Variants in HYAL4 observed in about 807,000 individuals in gnomAD.
HYAL4 encodes hyaluronidase-4.
A neutral mutation model predicts 35.2 loss-of-function variants in HYAL4; 37 were observed. That is an observed-to-expected ratio of 1.05 (90% CI 0.81 to 1.38). The LOEUF (loss-of-function observed/expected upper bound fraction) is 1.38, where lower values mean the gene tolerates loss of function less well. Among genes scored for constraint, HYAL4 ranks in the 40% most tolerant of loss-of-function variants. The pLI is 0.00. For missense variants in HYAL4, 572 were observed against 572.4 expected (o/e 1.00, Z 0.01); for synonymous variants, 198 against 203.2 (o/e 0.97, Z 0.22).
At chr7:123,769,647 GTCC>G in the HYAL4 span, among the ~76,000 whole-genome samples, 4 of 152,058 alleles carry the variant, frequency 2.6e-5, no homozygotes, top group African/African-American at 9.7e-5. Flanking sequence ...GGGGAAACAA[GTCC>G]TCCTGAAGGA....
At chr7:123,801,548 C>G in the HYAL4 span, among the ~76,000 whole-genome samples, 1 of 151,510 alleles carries the variant, frequency 6.6e-6, no homozygotes, top group Admixed American at 6.6e-5. Context: ...AGTTAAATTA[C>G]AAAATACGAA....
At chr7:123,764,336 G>A in the HYAL4 span, among the ~76,000 whole-genome samples, 1 of 152,322 alleles carries the variant, frequency 6.6e-6, no homozygotes, top group Admixed American at 6.5e-5. Flanking sequence ...TCCCGGGTGA[G>A]TTGTCCCTTG....
intron 1 of HYAL4, among the ~76,000 whole-genome samples, chr7:123,846,214 G>A (rs1806169908): frequency 2.0e-5 from 3 of 152,134 alleles, no homozygotes; most frequent in Non-Finnish European, 4.4e-5. Context: ...ATTCCCAAAA[G>A]TATATGCCCT....
chr7:123,822,906 A>G, the HYAL4 span, among the ~76,000 whole-genome samples: 1 of 152,258 alleles, frequency 6.6e-6, no homozygotes, highest in Non-Finnish European at 1.5e-5. Flanking sequence ...TCAAAGCTGT[A>G]GTGAGCTATG....
chr7:123,818,130 G>A, the HYAL4 span, among the ~76,000 whole-genome samples: 1 of 152,134 alleles, frequency 6.6e-6, no homozygotes, highest in African/African-American at 2.4e-5. Flanking sequence ...GTCTGCCTCG[G>A]GCTCCCAAAT....
At chr7:123,840,497 A>G (rs529007016), upstream of HYAL4, among the ~76,000 whole-genome samples, 1 of 152,096 alleles carries the variant, frequency 6.6e-6, no homozygotes, top group Non-Finnish European at 1.5e-5. Context: ...TATGAACTTT[A>G]AAGTAGTTTT....
the HYAL4 span, among the ~76,000 whole-genome samples, chr7:123,801,397 C>CA: frequency 6.6e-5 from 10 of 152,172 alleles, no homozygotes; most frequent in African/African-American, 2.4e-4. Context: ...AATATTCAAT[C>CA]AAAAATAGGT....
chr7:123,803,631 C>G, the HYAL4 span, among the ~76,000 whole-genome samples: 1 of 152,308 alleles, frequency 6.6e-6, no homozygotes, highest in Admixed American at 6.5e-5. Flanking sequence ...GATCTCATCT[C>G]TGTTCTGTAG....
chr7:123,870,346 A>T (rs1472277298), intron 3 of HYAL4, among the ~76,000 whole-genome samples: 1 of 152,234 alleles, frequency 6.6e-6, no homozygotes, highest in African/African-American at 2.4e-5. Context: ...AACATCACTC[A>T]TGAGGTGAAG....
At chr7:123,839,000 T>G (rs921927243) in intron 1 of HYAL4, among the ~76,000 whole-genome samples, 30 of 152,026 alleles carry the variant, frequency 2.0e-4, no homozygotes, top group African/African-American at 7.0e-4. Flanking sequence ...TTTAAATTAT[T>G]ATTATACTTT....
At chr7:123,773,965 G>C in the HYAL4 span, among the ~76,000 whole-genome samples, 1 of 152,158 alleles carries the variant, frequency 6.6e-6, no homozygotes, top group South Asian at 2.1e-4. Flanking sequence ...TAGGCAGTGG[G>C]GGGTCAAGGG....
intron 1 of HYAL4, among the ~76,000 whole-genome samples, chr7:123,830,122 A>G (rs1341341512): frequency 1.1e-4 from 16 of 152,210 alleles, no homozygotes. Flanking sequence ...CATTTTCTCA[A>G]GTTAAAAACA....
intron 1 of HYAL4, among the ~76,000 whole-genome samples, chr7:123,830,313 T>C (rs1303480608): frequency 6.6e-6 from 1 of 152,220 alleles, no homozygotes; most frequent in Non-Finnish European, 1.5e-5. Context: ...CCTATGCTTA[T>C]GATAATTTTC....
chr7:123,789,269 A>AGG, the HYAL4 span, among the ~76,000 whole-genome samples: 1 of 152,226 alleles, frequency 6.6e-6, no homozygotes, highest in Non-Finnish European at 1.5e-5. Flanking sequence ...AATGGAGTTT[A>AGG]GGAGCGGTAG....
the HYAL4 span, among the ~76,000 whole-genome samples, chr7:123,780,393 C>A: frequency 6.6e-6 from 1 of 152,134 alleles, no homozygotes; most frequent in Non-Finnish European, 1.5e-5. Context: ...AAAAACGTAT[C>A]CACTTCATAG....
chr7:123,795,065 G>A, the HYAL4 span, among the ~76,000 whole-genome samples: 1 of 152,240 alleles, frequency 6.6e-6, no homozygotes, highest in South Asian at 2.1e-4. Context: ...GAGACATGGA[G>A]TCAAAGGAGA....
the HYAL4 span, among the ~76,000 whole-genome samples, chr7:123,822,417 G>T: frequency 6.6e-6 from 1 of 151,962 alleles, no homozygotes; most frequent in African/African-American, 2.4e-5. Context: ...AAATGGAATT[G>T]TTTTCTTAGT....
the HYAL4 span, among the ~76,000 whole-genome samples, chr7:123,803,025 C>G: frequency 6.6e-6 from 1 of 152,160 alleles, no homozygotes; most frequent in Non-Finnish European, 1.5e-5. Context: ...GGAGTAAATT[C>G]AGTTGAGTAC....
At chr7:123,875,874 T>A (rs1167960733) in intron 4 of HYAL4, among the ~76,000 whole-genome samples, 1 of 152,182 alleles carries the variant, frequency 6.6e-6, no homozygotes, top group African/African-American at 2.4e-5. Flanking sequence ...TAAATTGAAT[T>A]TTTTTGCAAG....
Sources: allele counts gnomAD v4.1 joint callset (sites outside exome capture counted in the v4.1 genomes callset), GRCh38; gene constraint gnomAD v4.1.1; transcripts MANE v1.5; gene names NCBI Gene and HGNC (gene_info 2026-07-23, HGNC 2026-07-21).